Variants in C2orf76 observed in about 807,000 individuals in gnomAD.
C2orf76 encodes UPF0538 protein C2orf76.
C2orf76 carries 23 observed loss-of-function variants against 16.9 expected under a neutral mutation model. That is an observed-to-expected ratio of 1.36 (90% confidence interval 0.98 to 1.93). The LOEUF (loss-of-function observed/expected upper bound fraction) is 1.93, where lower values mean the gene tolerates loss of function less well. Among genes scored for constraint, C2orf76 ranks in the 30% most tolerant of loss-of-function variants. C2orf76 has a pLI of 0.00. For missense variants in C2orf76, 152 were observed against 152.6 expected (o/e 1.00, Z 0.02); for synonymous variants, 48 against 52.3 (o/e 0.92, Z 0.35).
chr2:119,367,122 A>G, upstream of C2orf76: 1 of 1,607,108 alleles, frequency 6.2e-7, no homozygotes, highest in South Asian at 1.1e-5. Context: ...TTGGGGGCTC[A>G]GCCGGCTGCC....
downstream of C2orf76, among the ~76,000 whole-genome samples, chr2:119,300,650 C>T (rs1311699804): frequency 3.3e-5 from 5 of 152,178 alleles, no homozygotes; most frequent in South Asian, 2.1e-4. Flanking sequence ...TTTAATACAC[C>T]TAACCTATCA....
chr2:119,282,650 C>A, the C2orf76 span, among the ~76,000 whole-genome samples: 4 of 152,206 alleles, frequency 2.6e-5, no homozygotes, highest in African/African-American at 7.2e-5. Context: ...AGGGTGAGCA[C>A]CCCGGTGCAT....
rs111613734 is a variant in C2orf76, at chr2:119,322,918, T to C, written c.134-1714A>G. ...AGACCAGAAGGGTAAAGGAGACTTTTCACTATATTCCTTTCCACATTTTGA... is the reference window on the plus strand; with the variant it reads ...AGACCAGAAGGGTAAAGGAGACTTTCCACTATATTCCTTTCCACATTTTGA... On this transcript the variant is annotated intron_variant, in intron 2 of 5. Transcript: ENST00000334816. 6.3e-3 allele frequency among the ~76,000 whole-genome samples: 959 copies of C among 152,274 alleles called. 10 individuals are homozygous for C. Among genetic ancestry groups the C allele is most frequent in the African/African-American group, 0.022 (927 of 41,534 alleles).
chr2:119,327,678 C>T (rs557507412), intron 2 of C2orf76, among the ~76,000 whole-genome samples: 1 of 152,176 alleles, frequency 6.6e-6, no homozygotes, highest in African/African-American at 2.4e-5. Context: ...CTTCCCTTTG[C>T]CTTCCACCAT....
intron 1 of C2orf76, among the ~76,000 whole-genome samples, chr2:119,350,252 ATATATT>A (rs1336119373): frequency 1.3e-5 from 2 of 152,114 alleles, no homozygotes; most frequent in Non-Finnish European, 2.9e-5. Flanking sequence ...AATATTAATT[ATATATT>A]TATAATATGT....
At chr2:119,312,875 A>G (rs1679040943) in intron 4 of C2orf76, among the ~76,000 whole-genome samples, 1 of 152,056 alleles carries the variant, frequency 6.6e-6, no homozygotes, top group South Asian at 2.1e-4. Flanking sequence ...AAAATACAAA[A>G]AAATTAGCCG....
At chr2:119,351,635 T>A (rs988948145) in intron 1 of C2orf76, among the ~76,000 whole-genome samples, 2 of 152,006 alleles carry the variant, frequency 1.3e-5, no homozygotes, top group African/African-American at 4.8e-5. Flanking sequence ...GTGCCTGTAA[T>A]CCCAGCTACT....
At chr2:119,355,511 T>C (rs1316381420) in intron 1 of C2orf76, among the ~76,000 whole-genome samples, 5 of 152,140 alleles carry the variant, frequency 3.3e-5, no homozygotes, top group African/African-American at 1.2e-4. Context: ...AGCTGTGACA[T>C]AAACCCACTG....
At chr2:119,331,661 G>A (rs889476049) in intron 2 of C2orf76, among the ~76,000 whole-genome samples, 8 of 152,210 alleles carry the variant, frequency 5.3e-5, no homozygotes, top group African/African-American at 7.2e-5. Flanking sequence ...CCCTCTCCCC[G>A]CCCTGTGGCC....
chr2:119,328,369 C>G (rs1056005900), intron 2 of C2orf76, among the ~76,000 whole-genome samples: 2 of 152,098 alleles, frequency 1.3e-5, no homozygotes, highest in African/African-American at 4.8e-5. Context: ...AATTTGTCCT[C>G]TTTATCTAGG....
intron 5 of C2orf76, among the ~76,000 whole-genome samples, chr2:119,310,892 TA>T (rs1224272148): frequency 6.6e-6 from 1 of 151,952 alleles, no homozygotes; most frequent in East Asian, 1.9e-4. Context: ...AATAAATTAA[TA>T]AATAATTAAG....
At chr2:119,346,791 AC>A (rs1680216609) in intron 1 of C2orf76, among the ~76,000 whole-genome samples, 1 of 152,226 alleles carries the variant, frequency 6.6e-6, no homozygotes, top group Admixed American at 6.5e-5. Flanking sequence ...ACACAGGCAT[AC>A]ACATATATAC....
intron 5 of C2orf76, among the ~76,000 whole-genome samples, chr2:119,306,801 C>T (rs1293139493): frequency 6.6e-6 from 1 of 151,854 alleles, no homozygotes; most frequent in Non-Finnish European, 1.5e-5. Context: ...ACTCCACTGA[C>T]GTCAGGTGTA....
chr2:119,315,941 C>CAGTG (rs1679156796), intron 4 of C2orf76, among the ~76,000 whole-genome samples: 1 of 152,122 alleles, frequency 6.6e-6, no homozygotes, highest in Non-Finnish European at 1.5e-5. Flanking sequence ...AACTATGTCT[C>CAGTG]CACTAAGATA....
the C2orf76 span, among the ~76,000 whole-genome samples, chr2:119,288,013 A>G: frequency 6.6e-6 from 1 of 152,040 alleles, no homozygotes; most frequent in Admixed American, 6.6e-5. Context: ...AGGGGCAGAG[A>G]GGGGACTGTG....
At chr2:119,356,096 A>G (rs1680562862) in intron 1 of C2orf76, among the ~76,000 whole-genome samples, 1 of 152,172 alleles carries the variant, frequency 6.6e-6, no homozygotes, top group African/African-American at 2.4e-5. Flanking sequence ...CCCTGGACCA[A>G]AGACGAAGTC....
downstream of C2orf76, among the ~76,000 whole-genome samples, chr2:119,301,076 AACACACAC>A (rs57577702): frequency 1.5e-4 from 22 of 146,136 alleles, no homozygotes; most frequent in Admixed American, 7.5e-4. Context: ...ACTTCTTAAA[AACACACAC>A]ACACACACAC....
chr2:119,326,807 G>C (rs759455174), intron 2 of C2orf76, among the ~76,000 whole-genome samples: 16 of 151,876 alleles, frequency 1.1e-4, no homozygotes, highest in Non-Finnish European at 2.2e-4. Context: ...AAGTATTTCA[G>C]GTTTTTTGAT....
At chr2:119,327,698 C>T (rs755498077) in intron 2 of C2orf76, among the ~76,000 whole-genome samples, 12 of 152,100 alleles carry the variant, frequency 7.9e-5, no homozygotes, top group Non-Finnish European at 1.3e-4. Flanking sequence ...TGGTAGTAAG[C>T]TTCTTGAGGC....
Sources: gnomAD v4.1 joint callset for allele counts (sites outside exome capture counted in the v4.1 genomes callset) on GRCh38, gnomAD v4.1.1 for gene constraint, MANE v1.5 for transcripts, NCBI Gene and HGNC (gene_info 2026-07-23, HGNC 2026-07-21) for gene names.